The following KIAA0825 variants were observed in gnomAD, a reference collection of about 807,000 sequenced individuals.
KIAA0825 encodes the protein KIAA0825, also known as uncharacterized protein KIAA0825.
Under a neutral mutation model 147.6 loss-of-function variants are expected in KIAA0825, and 119 were observed. That is an observed-to-expected ratio of 0.81 (90% confidence interval 0.69 to 0.94). KIAA0825 has a LOEUF of 0.94. Ranked by LOEUF, KIAA0825 falls within the 40% of genes least tolerant of loss-of-function variation. The pLI, the probability that KIAA0825 is intolerant of heterozygous loss-of-function variation, is 0.00. For synonymous variants in KIAA0825, 470 were observed against 518.1 expected, an observed-to-expected ratio of 0.91 and a Z score of 1.26; for missense variants, 1,381 against 1,472.7, an observed-to-expected ratio of 0.94 and a Z score of 1.02.
chr5:94,243,430 G>T (rs1180715143), intron 20 of KIAA0825, among the ~76,000 whole-genome samples: 1 of 152,116 alleles, frequency 6.6e-6, no homozygotes, highest in East Asian at 1.9e-4. Flanking sequence ...GTTTAAGTGG[G>T]AAGTAAGGCA....
At chr5:94,460,691 A>G (rs1759709229) in intron 12 of KIAA0825, among the ~76,000 whole-genome samples, 1 of 152,042 alleles carries the variant, frequency 6.6e-6, no homozygotes, top group Non-Finnish European at 1.5e-5. Flanking sequence ...AAAGCTCAAT[A>G]AGTCAGTAGA....
At chr5:94,339,804 G>A (rs1001064141) in intron 20 of KIAA0825, among the ~76,000 whole-genome samples, 1 of 152,104 alleles carries the variant, frequency 6.6e-6, no homozygotes, top group African/African-American at 2.4e-5. Context: ...GTTGAATTTG[G>A]TAGCATAAGA....
rs1361813574 is a variant in KIAA0825 at position 94,582,490 on chromosome 5, G to C, written c.-59C>G. 6.6e-6 allele frequency: 1 copy of C among 152,182 alleles called. No homozygotes were observed. The highest frequency in any genetic ancestry group is 1.9e-4 in the East Asian group (1 of 5,200). The allele number at this position is 152,182 out of a possible 1,614,324, so 9.4% of individuals were successfully genotyped here. On this transcript the variant is annotated 5_prime_UTR_variant, in exon 2 of 21. Coordinates refer to ENST00000682413, the MANE Select transcript of KIAA0825 (RefSeq NM_001145678.3). Reference sequence around the variant, plus strand: ...CTGGTCTTCGAATCCTAAGGAGGTAGAAAATTATTTCCTGAAGAGTTGTCA... The same window carrying C: ...CTGGTCTTCGAATCCTAAGGAGGTACAAAATTATTTCCTGAAGAGTTGTCA...
At chr5:94,243,179 G>A (rs1026493094) in intron 20 of KIAA0825, among the ~76,000 whole-genome samples, 3 of 152,156 alleles carry the variant, frequency 2.0e-5, no homozygotes, top group African/African-American at 4.8e-5. Context: ...AATGCCTGGC[G>A]CACAGTGAAT....
At chr5:94,289,587 AAAT>A (rs1368964306) in intron 20 of KIAA0825, among the ~76,000 whole-genome samples, 1 of 152,074 alleles carries the variant, frequency 6.6e-6, no homozygotes, top group Non-Finnish European at 1.5e-5. Context: ...ATTTGGGAAA[AAAT>A]AATAAGAACA....
chr5:94,545,053 A>T (rs1033496541), intron 2 of KIAA0825, among the ~76,000 whole-genome samples: 1 of 151,952 alleles, frequency 6.6e-6, no homozygotes, highest in Non-Finnish European at 1.5e-5. Context: ...GAGCACAGTG[A>T]CTGGGGTGGG....
At chr5:94,461,572 G>T (rs893416820) in intron 12 of KIAA0825, among the ~76,000 whole-genome samples, 4 of 151,922 alleles carry the variant, frequency 2.6e-5, no homozygotes, top group Non-Finnish European at 4.4e-5. Flanking sequence ...TTTATTGAAA[G>T]TCAGAGTAGG....
At position 94,396,418 on chromosome 5, in the gene KIAA0825, G is replaced by T. The variant is rs1312714530; in HGVS notation, c.2979C>A (p.Phe993Leu). The T allele has an allele frequency of 2.6e-6, 4 of 1,550,330 alleles. No homozygotes were observed. Among genetic ancestry groups the T allele is most frequent in the East Asian group, 2.4e-5 (1 of 40,904 alleles). The change falls in exon 17 of 21, where the codon TTC becomes TTA. Residue 993 changes from phenylalanine to leucine, a missense_variant. Transcript: ENST00000682413. Reference sequence around the variant, plus strand: ...ACATTTTTCTCTCAGACAGAAAAAAGAAGTATTTAACTGGGGGAGGCAAAC... The same window carrying T: ...ACATTTTTCTCTCAGACAGAAAAAATAAGTATTTAACTGGGGGAGGCAAAC... ...IACLPPPVKY[F>L]FFLSERKMSK...
chr5:94,564,560 G>A (rs1158087623), intron 2 of KIAA0825, among the ~76,000 whole-genome samples: 1 of 149,902 alleles, frequency 6.7e-6, no homozygotes, highest in Admixed American at 6.7e-5. Context: ...GTGTGTGTGT[G>A]TGTGTGTGTG....
intron 20 of KIAA0825, among the ~76,000 whole-genome samples, chr5:94,201,327 A>G (rs1386795223): frequency 2.0e-5 from 3 of 151,934 alleles, no homozygotes; most frequent in Non-Finnish European, 4.4e-5. Context: ...AATAGATTTA[A>G]TAAAATGCAG....
At chr5:94,414,064 T>TTAAAGACAACACTTCATAAACA (rs1753107671) in intron 15 of KIAA0825, 1 of 152,114 alleles carries the variant, frequency 6.6e-6, no homozygotes, top group Non-Finnish European at 1.5e-5. Flanking sequence ...TTCTTAAAGG[T>TTAAAGACAACACTTCATAAACA]CTTTATGAGG....
chr5:94,332,548 A>G (rs1025185750), intron 20 of KIAA0825, among the ~76,000 whole-genome samples: 4 of 152,176 alleles, frequency 2.6e-5, no homozygotes, highest in Admixed American at 2.6e-4. Context: ...CTGCAAAGAC[A>G]TTAACTCATT....
chr5:94,351,796 G>A (rs955714404), intron 20 of KIAA0825, among the ~76,000 whole-genome samples: 7 of 151,940 alleles, frequency 4.6e-5, no homozygotes, highest in East Asian at 3.9e-4. Flanking sequence ...ACTGATTTTC[G>A]ACAAAGCAAA....
intron 20 of KIAA0825, among the ~76,000 whole-genome samples, chr5:94,234,408 A>T (rs903319011): frequency 6.9e-6 from 1 of 144,354 alleles, no homozygotes; most frequent in African/African-American, 2.8e-5. Context: ...TAAAAAAATA[A>T]AAAAAAAATA....
In KIAA0825 at chr5:94,587,616, C is replaced by T. The variant is rs541765599; in HGVS notation, c.-152-5033G>A. ...AATCAATATCGTGAAAATGGCCATA[C>T]TCCCTAAGGTAATTTATAGATTCAA... On this transcript the variant is annotated intron_variant, in intron 1 of 20. Transcript: ENST00000682413. 3.2e-4 allele frequency among the ~76,000 whole-genome samples: 49 copies of T among 152,278 alleles called. 1 individual carries two copies. The highest frequency in any genetic ancestry group is 1.2e-3 in the African/African-American group (48 of 41,550).
chr5:94,167,974 A>G (rs1768208337), intron 20 of KIAA0825, among the ~76,000 whole-genome samples: 1 of 150,988 alleles, frequency 6.6e-6, no homozygotes, highest in Admixed American at 6.6e-5. Context: ...AAAATATCTC[A>G]CAATTTGCTA....
intron 15 of KIAA0825, chr5:94,416,517 T>C (rs1266980062): frequency 6.6e-6 from 1 of 152,190 alleles, no homozygotes; most frequent in Non-Finnish European, 1.5e-5. Context: ...GTCTAAGTTT[T>C]CATCCTTTGT....
intron 1 of KIAA0825, among the ~76,000 whole-genome samples, chr5:94,612,873 AAAACT>A (rs1219968376): frequency 3.3e-5 from 5 of 152,334 alleles, no homozygotes; most frequent in South Asian, 2.1e-4. Context: ...AAAACAAAAC[AAAACT>A]AGAGACCTTA....
intron 1 of KIAA0825, among the ~76,000 whole-genome samples, chr5:94,587,654 C>A (rs1480365015): frequency 6.6e-6 from 1 of 152,214 alleles, no homozygotes; most frequent in Non-Finnish European, 1.5e-5. Context: ...CTATCCCCAT[C>A]AAGCTACCAA....
Sources: gnomAD v4.1 joint callset for allele counts (sites outside exome capture counted in the v4.1 genomes callset) on GRCh38, gnomAD v4.1.1 for gene constraint, MANE v1.5 for transcripts, NCBI Gene and HGNC (gene_info 2026-07-23, HGNC 2026-07-21) for gene names.